Variants in RNF24 observed in about 807,000 individuals in gnomAD.
The protein encoded by RNF24 is ring finger protein 24.
A neutral mutation model predicts 20.0 loss-of-function variants in RNF24; 14 were observed. The observed-to-expected ratio is 0.70, with a 90% confidence interval of 0.46 to 1.10. RNF24 has a LOEUF of 1.10. RNF24 is among the 50% of genes least tolerant of loss of function. The pLI is 0.00. For synonymous variants in RNF24, 45 were observed against 61.1 expected, an observed-to-expected ratio of 0.74 and a Z score of 1.23; for missense variants, 124 against 177.6, an observed-to-expected ratio of 0.70 and a Z score of 1.71.
chr20:3,984,552 C>T (rs1050786554), intron 1 of RNF24, among the ~76,000 whole-genome samples: 2 of 152,144 alleles, frequency 1.3e-5, no homozygotes, highest in Non-Finnish European at 2.9e-5. Flanking sequence ...TCTGTATTCC[C>T]AGTCTTTTAT....
intron 3 of RNF24, among the ~76,000 whole-genome samples, chr20:3,946,104 TTAAATGAC>T (rs1258884256): frequency 6.6e-6 from 1 of 152,234 alleles, no homozygotes; most frequent in Non-Finnish European, 1.5e-5. Flanking sequence ...TCAATTTCAC[TTAAATGAC>T]TGCAAAGGCC....
intron 1 of RNF24, among the ~76,000 whole-genome samples, chr20:3,970,904 G>C (rs1978324590): frequency 6.6e-6 from 1 of 152,130 alleles, no homozygotes; most frequent in East Asian, 1.9e-4. Context: ...AAATTATCCA[G>C]GCATGGTGGT....
At chr20:3,992,857 T>A (rs1383497093) in intron 1 of RNF24, among the ~76,000 whole-genome samples, 1 of 152,222 alleles carries the variant, frequency 6.6e-6, no homozygotes, top group East Asian at 1.9e-4. Context: ...ATCTTTGTAT[T>A]AAATAGACTA....
At chr20:3,953,826 G>C (rs2091111025) in intron 2 of RNF24, among the ~76,000 whole-genome samples, 3 of 146,500 alleles carry the variant, frequency 2.0e-5, no homozygotes, top group Admixed American at 6.9e-5. Context: ...GCACAATCTT[G>C]GCTCACTGCA....
chr20:3,935,533 C>CG (rs2090880276), intron 4 of RNF24, among the ~76,000 whole-genome samples: 1 of 152,246 alleles, frequency 6.6e-6, no homozygotes, highest in South Asian at 2.1e-4. Context: ...TTATGCACAG[C>CG]TTGCAGTAAC....
At chr20:3,982,038 A>G (rs1193587050) in intron 1 of RNF24, among the ~76,000 whole-genome samples, 1 of 150,686 alleles carries the variant, frequency 6.6e-6, no homozygotes, top group East Asian at 1.9e-4. Flanking sequence ...GGATCACCTG[A>G]GCCCAGGAGC....
chr20:3,974,476 T>G (rs1249467953), intron 1 of RNF24: 2 of 1,328,846 alleles, frequency 1.5e-6, no homozygotes, highest in Admixed American at 2.9e-5. Flanking sequence ...CTGAGCCTAT[T>G]TGCCACATCA....
chr20:3,943,079 G>A (rs935747098), intron 4 of RNF24, among the ~76,000 whole-genome samples: 4 of 152,190 alleles, frequency 2.6e-5, no homozygotes, highest in Non-Finnish European at 4.4e-5. Context: ...GCCTCCCAAA[G>A]TGCTGGGATT....
At chr20:3,974,916 T>C (rs542067765) in intron 1 of RNF24, among the ~76,000 whole-genome samples, 3 of 152,110 alleles carry the variant, frequency 2.0e-5, no homozygotes, top group Admixed American at 2.0e-4. Context: ...TTAACAAATG[T>C]AGACAGAAAG....
chr20:3,996,952 G>A (rs954939672), intron 1 of RNF24, among the ~76,000 whole-genome samples: 2 of 152,192 alleles, frequency 1.3e-5, no homozygotes, highest in African/African-American at 4.8e-5. Flanking sequence ...TGGGCGTGGT[G>A]GCTCACGCCT....
At chr20:3,957,830 T>G (rs2091159997) in intron 2 of RNF24, among the ~76,000 whole-genome samples, 2 of 152,210 alleles carry the variant, frequency 1.3e-5, no homozygotes, top group South Asian at 4.1e-4. Context: ...GAAGGCATGA[T>G]TAACAATGCT....
At chr20:3,982,753 G>A (rs1368873596) in intron 1 of RNF24, among the ~76,000 whole-genome samples, 1 of 151,936 alleles carries the variant, frequency 6.6e-6, no homozygotes, top group African/African-American at 2.4e-5. Flanking sequence ...GCCAGGTGTG[G>A]CGACACATGC....
intron 4 of RNF24, among the ~76,000 whole-genome samples, chr20:3,937,410 G>A (rs2090903992): frequency 6.6e-6 from 1 of 152,112 alleles, no homozygotes; most frequent in African/African-American, 2.4e-5. Context: ...TTTCTCCAGT[G>A]TGACTTCCCA....
chr20:3,999,213 C>G (rs1981175316), intron 1 of RNF24, among the ~76,000 whole-genome samples: 1 of 152,114 alleles, frequency 6.6e-6, no homozygotes, highest in African/African-American at 2.4e-5. Context: ...GAGAGTGTTG[C>G]AACAGTTTTA....
At chr20:4,012,431 A>T (rs2122175508) in intron 1 of RNF24, among the ~76,000 whole-genome samples, 1 of 151,670 alleles carries the variant, frequency 6.6e-6, no homozygotes, top group East Asian at 1.9e-4. Flanking sequence ...AAAAAAAACA[A>T]CAAAACACCC....
Position 3,934,127 on chromosome 20 carries a change from A to G in RNF24, c.383T>C (p.Leu128Ser). The change falls in exon 6 of 6, where the codon TTG (leucine) becomes TCG (serine). Residue 128 changes from leucine (L) to serine (S), a missense_variant. By Grantham distance (145) the Leu-to-Ser change is moderately radical (BLOSUM62 -2). Transcript: ENST00000358395. This position sits in a 1 kb window ranked among gnomAD's most constrained non-coding sequence, Gnocchi z 4.0. ...CNMPVLQLAQ[L>S]HSKQDRGPPQ... ...GGGTCCACGGTCCTGCTTACTGTGC[A>G]ACTGGGCCAGCTGTAGAACTGGCAT... The G allele has an allele frequency of 6.3e-7, 1 of 1,582,312 alleles. No homozygotes were observed. Among genetic ancestry groups the G allele is most frequent in the South Asian group, 1.1e-5 (1 of 87,322 alleles).
Position 3,927,538 on chromosome 20 carries a change from G to C in RNF24, c.*6525C>G, listed in dbSNP as rs1301308580. The C allele has an allele frequency of 2.6e-5, 4 of 151,976 alleles. No individual in the cohort carries two copies. The highest frequency in any genetic ancestry group is 9.7e-5 in the African/African-American group (4 of 41,394). 9.4% of individuals were successfully genotyped at this position (151,976 alleles called of 1,614,324 possible). On this transcript the variant is annotated 3_prime_UTR_variant, in exon 6 of 6. Coordinates refer to ENST00000358395, the MANE Select transcript of RNF24 (RefSeq NM_001134337.3). Reference sequence around the variant, plus strand: ...AGCATTTCATAAACCTTTTTTTGAGGGAGTTACACAATACCTAGTGAGGAA... The same window carrying C: ...AGCATTTCATAAACCTTTTTTTGAGCGAGTTACACAATACCTAGTGAGGAA...
chr20:3,943,075 C>T (rs191432344), intron 4 of RNF24, among the ~76,000 whole-genome samples: 382 of 152,288 alleles, frequency 2.5e-3, no homozygotes, highest in Non-Finnish European at 1.9e-3. Flanking sequence ...CTTGGCCTCC[C>T]AAAGTGCTGG....
intron 1 of RNF24, among the ~76,000 whole-genome samples, chr20:4,003,852 C>T (rs1306919498): frequency 6.6e-6 from 1 of 151,972 alleles, no homozygotes; most frequent in African/African-American, 2.4e-5. Flanking sequence ...CCATGTTGGA[C>T]AGGCTGGTCT....
Sources: gnomAD v4.1 joint callset for allele counts (sites outside exome capture counted in the v4.1 genomes callset) on GRCh38, gnomAD v4.1.1 for gene constraint, Gnocchi (gnomAD v3.1) non-coding constraint, MANE v1.5 for transcripts, NCBI Gene and HGNC (gene_info 2026-07-23, HGNC 2026-07-21) for gene names.